The following GRM3 variants were observed in gnomAD, a reference collection of about 807,000 sequenced individuals.
GRM3 encodes metabotropic glutamate receptor 3.
Under a neutral mutation model 70.5 loss-of-function variants are expected in GRM3, and 26 were observed. The ratio of observed to expected loss-of-function variants is 0.37; its 90% CI spans 0.27 to 0.51. GRM3 has a LOEUF of 0.51. Ranked by LOEUF, GRM3 falls within the 20% of genes least tolerant of loss-of-function variation. GRM3 has a pLI of 0.93. For synonymous variants in GRM3, 443 were observed against 434.9 expected, an observed-to-expected ratio of 1.02 and a Z score of -0.23; for missense variants, 859 against 1,123.8, an observed-to-expected ratio of 0.76 and a Z score of 3.37.
chr7:86,862,218 G>A (rs1798974379), intron 5 of GRM3, among the ~76,000 whole-genome samples: 1 of 152,112 alleles, frequency 6.6e-6, no homozygotes, highest in Non-Finnish European at 1.5e-5. Flanking sequence ...TAGGCAGTTG[G>A]ATACAAAAGG....
At chr7:86,695,510 C>T (rs1794795484) in intron 1 of GRM3, among the ~76,000 whole-genome samples, 1 of 152,112 alleles carries the variant, frequency 6.6e-6, no homozygotes, top group Non-Finnish European at 1.5e-5. Context: ...TAAATGCAGT[C>T]ATCCACTCTA....
intron 1 of GRM3, among the ~76,000 whole-genome samples, chr7:86,654,542 C>T (rs571420221): frequency 6.6e-6 from 1 of 152,158 alleles, no homozygotes; most frequent in Non-Finnish European, 1.5e-5. Flanking sequence ...ACTGCCTCCC[C>T]CAACTAGCAA....
At chr7:86,686,573 C>G (rs1384743996) in intron 1 of GRM3, among the ~76,000 whole-genome samples, 2 of 152,122 alleles carry the variant, frequency 1.3e-5, no homozygotes, top group Non-Finnish European at 2.9e-5. Context: ...GTCTATAAAG[C>G]CTCACTCAAG....
chr7:86,751,789 A>T (rs1020633036), intron 1 of GRM3, among the ~76,000 whole-genome samples: 1 of 152,136 alleles, frequency 6.6e-6, no homozygotes, highest in Non-Finnish European at 1.5e-5. Context: ...CTGCACGCCC[A>T]TCACTCACTT....
chr7:86,807,831 A>G (rs540186368), intron 3 of GRM3, among the ~76,000 whole-genome samples: 19 of 152,200 alleles, frequency 1.2e-4, no homozygotes, highest in Non-Finnish European at 2.6e-4. Flanking sequence ...GCCAGTTTTC[A>G]AAAGGAATGC....
intron 4 of GRM3, 107 bp from the exon 5 acceptor site, chr7:86,850,263 G>T (rs1246916296): frequency 9.9e-6 from 7 of 704,644 alleles, no homozygotes; most frequent in Non-Finnish European, 1.5e-5. Flanking sequence ...GGACAGAGCT[G>T]TCAATTATTC....
chr7:86,823,647 A>T, intron 3 of GRM3, among the ~76,000 whole-genome samples: 1 of 117,260 alleles, frequency 8.5e-6, no homozygotes. Flanking sequence ...GTGGGATAGG[A>T]TTTAGTGCCC....
At chr7:86,833,130 A>C in intron 3 of GRM3, 14 of 979,986 alleles carry the variant, frequency 1.4e-5, no homozygotes, top group Non-Finnish European at 1.7e-5. Flanking sequence ...GAAACAGCAA[A>C]TTCCCTGGAG....
chr7:86,855,336 T>C (rs566570714), intron 5 of GRM3, among the ~76,000 whole-genome samples: 5 of 152,254 alleles, frequency 3.3e-5, no homozygotes, highest in African/African-American at 4.8e-5. Flanking sequence ...TGTATCAGCA[T>C]AGACTGGGGA....
chr7:86,660,709 G>A (rs1793871248), intron 1 of GRM3, among the ~76,000 whole-genome samples: 1 of 151,882 alleles, frequency 6.6e-6, no homozygotes, highest in Non-Finnish European at 1.5e-5. Context: ...CTAGCAAAGA[G>A]GAGGTTTAAG....
intron 3 of GRM3, among the ~76,000 whole-genome samples, chr7:86,825,046 T>A (rs150475602): frequency 1.8e-3 from 279 of 152,288 alleles, no homozygotes; most frequent in Non-Finnish European, 3.1e-3. Context: ...AAATAGAAAT[T>A]ATGGGACAGA....
intron 5 of GRM3, among the ~76,000 whole-genome samples, chr7:86,851,919 A>C (rs1798762173): frequency 6.6e-6 from 1 of 152,154 alleles, no homozygotes. Flanking sequence ...ATAACTAATA[A>C]AAATATTAAC....
chr7:86,685,656 C>T (rs1183688680), intron 1 of GRM3, among the ~76,000 whole-genome samples: 1 of 152,002 alleles, frequency 6.6e-6, no homozygotes, highest in African/African-American at 2.4e-5. Flanking sequence ...CCTGTAATCC[C>T]AGCACTTTGG....
chr7:86,648,193 C>T (rs1184388524), intron 1 of GRM3, among the ~76,000 whole-genome samples: 1 of 124,310 alleles, frequency 8.0e-6, no homozygotes, highest in Non-Finnish European at 1.8e-5. Context: ...ATGTGTATAA[C>T]TATATGTTCC....
At chr7:86,852,928 C>T (rs1177771060) in intron 5 of GRM3, among the ~76,000 whole-genome samples, 1 of 152,130 alleles carries the variant, frequency 6.6e-6, no homozygotes, top group Non-Finnish European at 1.5e-5. Flanking sequence ...AGCCTGATTT[C>T]CTGACTTTCA....
intron 1 of GRM3, among the ~76,000 whole-genome samples, chr7:86,741,613 C>T (rs925247155): frequency 2.6e-5 from 4 of 152,166 alleles, no homozygotes; most frequent in African/African-American, 9.7e-5. Flanking sequence ...TTAATTCCTG[C>T]CTCTGTGCCT....
intron 1 of GRM3, among the ~76,000 whole-genome samples, chr7:86,752,286 T>C (rs1796248922): frequency 6.6e-6 from 1 of 152,150 alleles, no homozygotes; most frequent in African/African-American, 2.4e-5. Flanking sequence ...CTTTGGTGCC[T>C]AGCTCTGCCT....
intron 1 of GRM3, among the ~76,000 whole-genome samples, chr7:86,729,087 T>C (rs897447141): frequency 3.3e-5 from 5 of 152,192 alleles, no homozygotes; most frequent in African/African-American, 7.2e-5. Context: ...CCAAATTACT[T>C]CTGATTAGCT....
intron 1 of GRM3, among the ~76,000 whole-genome samples, chr7:86,645,387 C>T (rs960291259): frequency 6.6e-6 from 1 of 152,154 alleles, no homozygotes; most frequent in African/African-American, 2.4e-5. Flanking sequence ...TTTGCCCTCC[C>T]GCAAGCAGGG....
Sources: allele counts gnomAD v4.1 joint callset (sites outside exome capture counted in the v4.1 genomes callset), GRCh38; gene constraint gnomAD v4.1.1; transcripts MANE v1.5; gene names NCBI Gene and HGNC (gene_info 2026-07-23, HGNC 2026-07-21).